KIAA1549: variants seen among roughly 807,000 people sequenced by gnomAD.
KIAA1549 encodes UPF0606 protein KIAA1549.
A neutral mutation model predicts 156.4 loss-of-function variants in KIAA1549; 70 were observed. That is an observed-to-expected ratio of 0.45 (90% CI 0.37 to 0.55). KIAA1549 has a LOEUF of 0.55. Among genes scored for constraint, KIAA1549 ranks in the 20% least tolerant of loss-of-function variants. The pLI is 0.00. For missense variants in KIAA1549, 2,428 were observed against 2,540.9 expected (o/e 0.96, Z 0.96); for synonymous variants, 1,103 against 1,066.4 (o/e 1.03, Z -0.67).
chr7:138,863,133 CT>C (rs1810636685), intron 15 of KIAA1549, among the ~76,000 whole-genome samples: 1 of 151,998 alleles, frequency 6.6e-6, no homozygotes, highest in Non-Finnish European at 1.5e-5. Flanking sequence ...CCTTTCTGGT[CT>C]TACAGGCTCC....
chr7:138,934,746 A>T (rs762355440), intron 1 of KIAA1549, among the ~76,000 whole-genome samples: 6 of 152,234 alleles, frequency 3.9e-5, no homozygotes, highest in Non-Finnish European at 8.8e-5. Flanking sequence ...GAAGGAAAAT[A>T]GGACCCTATG....
intron 16 of KIAA1549, among the ~76,000 whole-genome samples, chr7:138,855,789 C>T (rs1296863636): frequency 6.6e-6 from 1 of 152,114 alleles, no homozygotes; most frequent in Non-Finnish European, 1.5e-5. Context: ...GTCTCATTCT[C>T]CATAATAGGT....
Position 138,903,640 on chromosome 7 carries a change from C to G in KIAA1549, c.3617G>C (p.Arg1206Thr). 6.2e-7 allele frequency: 1 copy of G among 1,613,540 alleles called. No homozygotes were observed. The highest frequency in any genetic ancestry group is 1.3e-5 in the African/African-American group (1 of 75,022). The change falls in exon 8 of 20, where the codon AGA (arginine) becomes ACA (threonine). Residue 1206 changes from arginine (R) to threonine (T), a missense_variant. Arg to Thr is a moderately conservative substitution (Grantham distance 71, BLOSUM62 -1). Around this residue, in one of 5 missense-constraint regions of KIAA1549, gnomAD observed 762 missense variants for 901.6 expected, o/e 0.85. Transcript: ENST00000422774. ...AGTGGCCCTTCTCCACATCCGCCTT[C>G]TGGTGGAAACCTCGCTGAGCAGCTG... is the stretch of plus-strand genomic sequence containing the variant. ...LAQLLSEVSTRRRMWRRATVA... is the reference protein window; with the variant it reads ...LAQLLSEVSTTRRMWRRATVA...
At chr7:138,842,973 G>A (rs1255436349) in intron 18 of KIAA1549, among the ~76,000 whole-genome samples, 3 of 152,138 alleles carry the variant, frequency 2.0e-5, no homozygotes, top group Non-Finnish European at 4.4e-5. Context: ...TTAGGAGAGT[G>A]AGCCTGGATT....
chr7:138,967,385 T>A (rs1321681828), intron 1 of KIAA1549, among the ~76,000 whole-genome samples: 1 of 152,162 alleles, frequency 6.6e-6, no homozygotes, highest in Non-Finnish European at 1.5e-5. Flanking sequence ...AGCAGAGACC[T>A]GAAGGAAGGG....
chr7:138,949,612 G>A lies in KIAA1549; in HGVS notation c.188-30174C>T, dbSNP rs753337320. 3.9e-4 allele frequency among the ~76,000 whole-genome samples: 59 copies of A among 152,132 alleles called. 1 individual carries two copies. Among genetic ancestry groups the A allele is most frequent in the Admixed American group, 5.9e-4 (9 of 15,266 alleles). On this transcript the variant is annotated intron_variant, in intron 1 of 19. Coordinates refer to ENST00000422774, the MANE Select transcript of KIAA1549 (RefSeq NM_001164665.2). ...CAAACACCTAAACCAGTATTCAAGCGCCAACCACCTGAGTGAACAAAGGTC... is the reference window on the plus strand; with the variant it reads ...CAAACACCTAAACCAGTATTCAAGCACCAACCACCTGAGTGAACAAAGGTC...
At chr7:138,866,260 G>C (rs1426319308) in intron 15 of KIAA1549, among the ~76,000 whole-genome samples, 1 of 152,234 alleles carries the variant, frequency 6.6e-6, no homozygotes, top group Non-Finnish European at 1.5e-5. Flanking sequence ...AAGTTCCTAA[G>C]GAAAAGTCTC....
chr7:138,914,036 A>AAGGC (rs1468166325), intron 2 of KIAA1549, among the ~76,000 whole-genome samples: 2 of 139,020 alleles, frequency 1.4e-5, no homozygotes, highest in African/African-American at 5.2e-5. Context: ...GGAAGGGAGG[A>AAGGC]AGGCAGGGAG....
At chr7:138,901,816 C>G (rs1157286230) in intron 8 of KIAA1549, among the ~76,000 whole-genome samples, 1 of 152,202 alleles carries the variant, frequency 6.6e-6, no homozygotes, top group Non-Finnish European at 1.5e-5. Flanking sequence ...AAATCCTTGT[C>G]TACATCTTCA....
chr7:138,943,656 T>C (rs546707325), intron 1 of KIAA1549, among the ~76,000 whole-genome samples: 7 of 152,286 alleles, frequency 4.6e-5, no homozygotes, highest in Admixed American at 2.0e-4. Flanking sequence ...GAGACCATCC[T>C]GGCTAACATG....
At chr7:138,862,436 C>T (rs536583068) in intron 15 of KIAA1549, among the ~76,000 whole-genome samples, 249 of 148,472 alleles carry the variant, frequency 1.7e-3, no homozygotes, top group Middle Eastern at 7.0e-3. Context: ...CCCAGGAGGT[C>T]GAGGTTGCAG....
chr7:138,857,192 C>T (rs1024576472), intron 16 of KIAA1549, among the ~76,000 whole-genome samples: 5 of 152,122 alleles, frequency 3.3e-5, no homozygotes, highest in Non-Finnish European at 7.3e-5. Context: ...AAATTTCTCT[C>T]CCCCTCACTC....
chr7:138,878,103 C>T (rs529737117), intron 12 of KIAA1549, among the ~76,000 whole-genome samples: 5 of 152,258 alleles, frequency 3.3e-5, no homozygotes, highest in African/African-American at 1.2e-4. Context: ...TTTGAAAAAC[C>T]ACATCCAAAG....
chr7:138,930,650 A>G (rs924551386), intron 1 of KIAA1549, among the ~76,000 whole-genome samples: 2 of 152,228 alleles, frequency 1.3e-5, no homozygotes, highest in African/African-American at 4.8e-5. Context: ...TTCAGCCTTT[A>G]GAGGATCAAA....
chr7:138,906,500 A>C (rs1380907503), intron 6 of KIAA1549, among the ~76,000 whole-genome samples: 1 of 152,188 alleles, frequency 6.6e-6, no homozygotes, highest in Admixed American at 6.5e-5. Flanking sequence ...GAATCCAAAA[A>C]CTTCACTAAA....
At chr7:138,922,703 A>T (rs1812598036) in intron 1 of KIAA1549, among the ~76,000 whole-genome samples, 1 of 151,984 alleles carries the variant, frequency 6.6e-6, no homozygotes, top group Non-Finnish European at 1.5e-5. Flanking sequence ...GAACTGGGGG[A>T]TAGGTCTGAA....
At chr7:138,942,753 A>G (rs1374005820) in intron 1 of KIAA1549, among the ~76,000 whole-genome samples, 2 of 152,090 alleles carry the variant, frequency 1.3e-5, no homozygotes, top group African/African-American at 4.8e-5. Flanking sequence ...TACTGAAAAT[A>G]TAAAAAATTA....
In KIAA1549 at chr7:138,838,302, C is replaced by T. The variant is rs181926049; in HGVS notation, c.5599-142G>A. Reference sequence around the variant, plus strand: ...CTCTAACAGGGCCCTGCTGCCTATGCTGCAGGTGAGGCGTGAAGACACCAG... The same window carrying T: ...CTCTAACAGGGCCCTGCTGCCTATGTTGCAGGTGAGGCGTGAAGACACCAG... On this transcript the variant is annotated intron_variant, in intron 19 of 19. Transcript: ENST00000422774. 5.4e-4 allele frequency: 461 copies of T among 854,146 alleles called. 8 individuals are homozygous for T. The East Asian group carries it at 0.01, about 19-fold the overall frequency. 52.9% of individuals were successfully genotyped at this position (854,146 alleles called of 1,614,324 possible).
At chr7:138,957,771 C>T (rs958688023) in intron 1 of KIAA1549, among the ~76,000 whole-genome samples, 16 of 152,226 alleles carry the variant, frequency 1.1e-4, no homozygotes, top group African/African-American at 3.9e-4. Context: ...AGACACTGCA[C>T]CCAGTCAACT....
Sources: allele counts gnomAD v4.1 joint callset (sites outside exome capture counted in the v4.1 genomes callset), GRCh38; gene constraint gnomAD v4.1.1; regional missense constraint gnomAD v4.1.1; transcripts MANE v1.5; gene names NCBI Gene and HGNC (gene_info 2026-07-23, HGNC 2026-07-21).